The following CDKN2B-AS1 variants were observed in gnomAD, a reference collection of about 807,000 sequenced individuals.
CDKN2B-AS1 encodes the protein CDKN2B and CDKN2A antisense cis and trans regulatory RNA 1.
chr9:22,016,066 G>C (rs1208229308), intron 1 of CDKN2B-AS1, among the ~76,000 whole-genome samples: 1 of 152,154 alleles, frequency 6.6e-6, no homozygotes, highest in Non-Finnish European at 1.5e-5. Flanking sequence ...TCTGATGATA[G>C]TTTCTTTTGC....
At chr9:22,061,358 A>C (rs1214284439) in intron 4 of CDKN2B-AS1, among the ~76,000 whole-genome samples, 1 of 152,224 alleles carries the variant, frequency 6.6e-6, no homozygotes, top group South Asian at 2.1e-4. Context: ...CAATAAGCAA[A>C]TAAATTCAAT....
intron 4 of CDKN2B-AS1, among the ~76,000 whole-genome samples, chr9:22,113,953 TA>T (rs1825869718): frequency 6.6e-6 from 1 of 152,160 alleles, no homozygotes; most frequent in African/African-American, 2.4e-5. Flanking sequence ...TAAGGCCAAA[TA>T]AAAATTTGTA....
chr9:22,058,397 A>G (rs570250722), intron 4 of CDKN2B-AS1: 2 of 152,210 alleles, frequency 1.3e-5, no homozygotes, highest in Non-Finnish European at 2.9e-5. Flanking sequence ...CCAAAGCATG[A>G]AGGACACACC....
chr9:22,101,390 G>A (rs532599121), intron 4 of CDKN2B-AS1, among the ~76,000 whole-genome samples: 23 of 151,556 alleles, frequency 1.5e-4, no homozygotes, highest in Non-Finnish European at 2.9e-4. Context: ...TGAAAGATAG[G>A]TAGCTCTAGA....
At chr9:22,004,936 A>G (rs1821090820) in intron 1 of CDKN2B-AS1, 1 of 233,236 alleles carries the variant, frequency 4.3e-6, no homozygotes, top group South Asian at 1.8e-4. Flanking sequence ...TGAGTTTGCA[A>G]CAGTGCCATT....
rs909434546 is a variant in CDKN2B-AS1 at position 22,094,456 on chromosome 9, A to C, written n.439-32647A>C. ...TCTGCCCGTCACTTTCAGGTACTCC[A>C]ATCAGAAGTAGATTTGGTCTTTTCA... is the stretch of plus-strand genomic sequence containing the variant. On this transcript the variant is annotated intron_variant and non_coding_transcript_variant, in intron 4 of 4. Transcript: ENST00000650946. Among the ~76,000 whole-genome samples, 3 of 144,650 alleles carry C rather than the reference A, an allele frequency of 2.1e-5. 1 individual carries two copies. In the South Asian group the frequency reaches 6.3e-4, roughly 30 times the overall value. 94.9% of individuals were successfully genotyped at this position (144,650 alleles called of 152,430 possible).
chr9:22,087,694 A>ACTT (rs1824911872), intron 4 of CDKN2B-AS1, among the ~76,000 whole-genome samples: 1 of 152,128 alleles, frequency 6.6e-6, no homozygotes, highest in Admixed American at 6.6e-5. Flanking sequence ...TTTGCATACC[A>ACTT]CTTCTTTGAT....
chr9:22,023,121 G>A (rs900420723), intron 1 of CDKN2B-AS1, among the ~76,000 whole-genome samples: 6 of 151,966 alleles, frequency 3.9e-5, no homozygotes, highest in African/African-American at 1.2e-4. Flanking sequence ...CTTATTATGG[G>A]GTATCTTACT....
At chr9:22,111,188 C>CT (rs1330245843) in intron 4 of CDKN2B-AS1, among the ~76,000 whole-genome samples, 2 of 152,078 alleles carry the variant, frequency 1.3e-5, no homozygotes, top group Admixed American at 1.3e-4. Flanking sequence ...ATGTATCTGT[C>CT]TGTCTGTTCA....
At chr9:22,055,485 C>T (rs1823521933) in intron 3 of CDKN2B-AS1, among the ~76,000 whole-genome samples, 2 of 152,128 alleles carry the variant, frequency 1.3e-5, no homozygotes, top group South Asian at 2.1e-4. Context: ...TAGCCATTAG[C>T]TCAGGACATA....
intron 2 of CDKN2B-AS1, among the ~76,000 whole-genome samples, chr9:22,048,378 A>G (rs1006026825): frequency 3.3e-5 from 5 of 152,080 alleles, no homozygotes; most frequent in African/African-American, 1.2e-4. Context: ...TGCATTTCTC[A>G]ACAAAACTTT....
rs1299408780 is a variant in CDKN2B-AS1 at position 22,005,437 on chromosome 9, C to A, written n.29+10276C>A. 4.1e-6 allele frequency: 1 copy of A among 246,796 alleles called. No individual in the cohort carries two copies. Among genetic ancestry groups the A allele is most frequent in the African/African-American group, 2.2e-5 (1 of 45,422 alleles). The allele number at this position is 246,796 out of a possible 1,614,324, so 15.3% of individuals were successfully genotyped here. On this transcript the variant is annotated intron_variant and non_coding_transcript_variant, in intron 1 of 4. Coordinates refer to ENST00000650946, the Ensembl canonical transcript of CDKN2B-AS1. The surrounding 1 kb of genome is among the most constrained non-coding windows in gnomAD (Gnocchi z 4.9). ...TTGCCATGCGCTCAAACTAAAGCGC[C>A]GCCGGGGACTTACTGAAGCCCACCT...
At chr9:22,099,367 A>G (rs961047718) in intron 4 of CDKN2B-AS1, among the ~76,000 whole-genome samples, 7 of 152,252 alleles carry the variant, frequency 4.6e-5, no homozygotes, top group African/African-American at 1.7e-4. Flanking sequence ...AAAAGATTCC[A>G]TCTAAAACTT....
chr9:22,085,713 T>A (rs1824847553), intron 4 of CDKN2B-AS1, among the ~76,000 whole-genome samples: 1 of 102,328 alleles, frequency 9.8e-6, no homozygotes, highest in South Asian at 3.6e-4. Flanking sequence ...AGAGCGAGAC[T>A]CCGTCTCAAA....
At chr9:22,052,414 A>C (rs1823385994) in intron 3 of CDKN2B-AS1, among the ~76,000 whole-genome samples, 1 of 152,212 alleles carries the variant, frequency 6.6e-6, no homozygotes, top group African/African-American at 2.4e-5. Context: ...ACGTTTCTAC[A>C]AAGAGATGCA....
At chr9:22,110,641 A>G (rs1825781802) in intron 4 of CDKN2B-AS1, among the ~76,000 whole-genome samples, 1 of 152,098 alleles carries the variant, frequency 6.6e-6, no homozygotes, top group South Asian at 2.1e-4. Flanking sequence ...GTGTCTTGCA[A>G]TCATTGTGTA....
chr9:22,115,057 C>A (rs939491418), intron 4 of CDKN2B-AS1, among the ~76,000 whole-genome samples: 2 of 152,148 alleles, frequency 1.3e-5, no homozygotes, highest in Non-Finnish European at 2.9e-5. Context: ...CCTGAACCCC[C>A]CATCTTCAAT....
chr9:22,095,241 T>G (rs1222063581), intron 4 of CDKN2B-AS1, among the ~76,000 whole-genome samples: 1 of 144,732 alleles, frequency 6.9e-6, no homozygotes, highest in Non-Finnish European at 1.5e-5. Context: ...TGCCTCACAG[T>G]TAGGCTACTC....
At chr9:22,058,799 G>C (rs758291991) in intron 4 of CDKN2B-AS1, 1 of 169,244 alleles carries the variant, frequency 5.9e-6, no homozygotes. Flanking sequence ...ACAAAAAGAA[G>C]TTTAACTAGA....
Sources: gnomAD v4.1 joint callset for allele counts (sites outside exome capture counted in the v4.1 genomes callset) on GRCh38, gnomAD v4.1.1 for gene constraint, Gnocchi (gnomAD v3.1) non-coding constraint, MANE v1.5 for transcripts, NCBI Gene and HGNC (gene_info 2026-07-23, HGNC 2026-07-21) for gene names.